Variants in ANKS1B observed in about 807,000 individuals in gnomAD.
ANKS1B encodes ankyrin repeat and sterile alpha motif domain containing 1B, also known as ankyrin repeat and sterile alpha motif domain-containing protein 1B.
ANKS1B carries 36 observed loss-of-function variants against 148.3 expected under a neutral mutation model. That is an observed-to-expected ratio of 0.24 (90% confidence interval 0.19 to 0.32). The LOEUF (loss-of-function observed/expected upper bound fraction) is 0.32. ANKS1B is among the 10% of genes least tolerant of loss of function. ANKS1B has a pLI of 1.00. For synonymous variants in ANKS1B, 542 were observed against 560.8 expected (o/e 0.97, Z 0.47); for missense variants, 1,157 against 1,542.6 (o/e 0.75, Z 4.19).
At chr12:99,609,925 T>G (rs1281061387) in intron 9 of ANKS1B, among the ~76,000 whole-genome samples, 1 of 152,102 alleles carries the variant, frequency 6.6e-6, no homozygotes, top group Non-Finnish European at 1.5e-5. Context: ...GAGCTGATGT[T>G]AGTAAATAAT....
chr12:99,982,080 A>T (rs1449942488), intron 1 of ANKS1B, among the ~76,000 whole-genome samples: 1 of 152,144 alleles, frequency 6.6e-6, no homozygotes, highest in Non-Finnish European at 1.5e-5. Flanking sequence ...AGATGGATAA[A>T]AGCAAGTTTA....
chr12:99,742,180 A>T (rs2153582300), intron 8 of ANKS1B, among the ~76,000 whole-genome samples: 2 of 152,124 alleles, frequency 1.3e-5, no homozygotes, highest in East Asian at 3.9e-4. Flanking sequence ...CGGTGATAAA[A>T]TAATATGTAC....
chr12:98,781,588 A>T (rs1485371532), intron 23 of ANKS1B: 1 of 378,196 alleles, frequency 2.6e-6, no homozygotes, highest in Non-Finnish European at 5.1e-6. Context: ...CATCGGACTT[A>T]ACTCCAAGGG....
At position 98,749,829 on chromosome 12, in the gene ANKS1B, T is replaced by C. The variant is rs538384537; in HGVS notation, c.3747+1526A>G. On this transcript the variant is annotated intron_variant, in intron 26 of 26. Coordinates refer to ENST00000683438, the MANE Select transcript of ANKS1B (RefSeq NM_001352186.2). ...GCATAGGCCTGGGGCGAGGTGGCAG[T>C]GGCCCCGACTGGAAGAGAGATGGAG... Among the ~76,000 whole-genome samples, 4 of 152,122 alleles carry C rather than the reference T, an allele frequency of 2.6e-5. No homozygotes were observed. The East Asian group carries it at 7.7e-4, about 29-fold the overall frequency.
intron 3 of ANKS1B, 119 bp downstream of exon 3, chr12:99,812,036 A>G: frequency 8.1e-7 from 1 of 1,237,386 alleles, no homozygotes; most frequent in Non-Finnish European, 1.1e-6. Context: ...TCCTTTTAGG[A>G]AATTCAGCAA....
intron 8 of ANKS1B, among the ~76,000 whole-genome samples, chr12:99,685,801 A>G (rs2098646301): frequency 1.3e-5 from 2 of 152,074 alleles, no homozygotes; most frequent in African/African-American, 4.8e-5. Context: ...CTACTCAGCC[A>G]TAAAAAGGAA....
chr12:98,953,746 T>G (rs936869031), intron 17 of ANKS1B, among the ~76,000 whole-genome samples: 1 of 152,110 alleles, frequency 6.6e-6, no homozygotes, highest in African/African-American at 2.4e-5. Context: ...TCCCACAAGC[T>G]GACTCCAGTT....
chr12:99,382,775 T>C (rs1170726571), intron 12 of ANKS1B, among the ~76,000 whole-genome samples: 3 of 151,116 alleles, frequency 2.0e-5, no homozygotes, highest in Admixed American at 1.3e-4. Flanking sequence ...TGTAATGTCA[T>C]GACTGCTGGC....
chr12:99,822,760 G>A (rs2082671217), intron 2 of ANKS1B, among the ~76,000 whole-genome samples: 1 of 152,170 alleles, frequency 6.6e-6, no homozygotes, highest in African/African-American at 2.4e-5. Context: ...GCAGGTGCTT[G>A]TGTCTTTTTG....
chr12:99,452,117 A>G (rs1198099267), intron 10 of ANKS1B, among the ~76,000 whole-genome samples: 2 of 152,162 alleles, frequency 1.3e-5, no homozygotes, highest in African/African-American at 4.8e-5. Flanking sequence ...CTGTAAGGCT[A>G]CATGATCTTT....
intron 17 of ANKS1B, among the ~76,000 whole-genome samples, chr12:98,859,533 A>G (rs2099588288): frequency 6.6e-6 from 1 of 152,250 alleles, no homozygotes; most frequent in Non-Finnish European, 1.5e-5. Flanking sequence ...GATCAGAAGT[A>G]AATCTATGAA....
At chr12:99,782,430 G>A (rs2064443409) in intron 4 of ANKS1B, among the ~76,000 whole-genome samples, 1 of 152,192 alleles carries the variant, frequency 6.6e-6, no homozygotes, top group Non-Finnish European at 1.5e-5. Context: ...GTGGTGGTAT[G>A]TGCCTGTAAT....
At chr12:99,818,754 G>A (rs1474029917) in intron 2 of ANKS1B, among the ~76,000 whole-genome samples, 1 of 151,754 alleles carries the variant, frequency 6.6e-6, no homozygotes, top group African/African-American at 2.4e-5. Flanking sequence ...GCAATATTTT[G>A]CAGCTTTAAG....
intron 17 of ANKS1B, among the ~76,000 whole-genome samples, chr12:99,020,335 T>C (rs1371517232): frequency 6.6e-6 from 1 of 152,152 alleles, no homozygotes; most frequent in African/African-American, 2.4e-5. Flanking sequence ...TGGAATCATA[T>C]AATATTTGTC....
intron 5 of ANKS1B, among the ~76,000 whole-genome samples, chr12:99,780,417 A>G (rs1033543754): frequency 6.6e-6 from 1 of 151,528 alleles, no homozygotes; most frequent in African/African-American, 2.4e-5. Flanking sequence ...CTGGGACTAC[A>G]GGTGCCCACC....
At chr12:99,136,115 A>G (rs922241962) in intron 15 of ANKS1B, among the ~76,000 whole-genome samples, 1 of 152,228 alleles carries the variant, frequency 6.6e-6, no homozygotes, top group Non-Finnish European at 1.5e-5. Flanking sequence ...ATTAAACAAG[A>G]TTAAAAAAGG....
chr12:99,285,676 T>C (rs1457408215), intron 12 of ANKS1B, among the ~76,000 whole-genome samples: 1 of 152,132 alleles, frequency 6.6e-6, no homozygotes, highest in African/African-American at 2.4e-5. Context: ...TGAAAGAGTA[T>C]GAAAGATGTT....
At chr12:99,807,662 A>T (rs1018253081) in intron 3 of ANKS1B, among the ~76,000 whole-genome samples, 3 of 152,178 alleles carry the variant, frequency 2.0e-5, no homozygotes, top group Non-Finnish European at 4.4e-5. Context: ...TACTCATTTA[A>T]TCCTCATTAT....
In ANKS1B at chr12:99,782,081, G is replaced by A; in HGVS notation, c.686C>T (p.Ala229Val). 1.2e-6 allele frequency: 2 copies of A among 1,603,414 alleles called. No homozygotes were observed. The highest frequency in any genetic ancestry group is 8.5e-7 in the Non-Finnish European group (1 of 1,175,246). Residue 229 changes from alanine to valine, a missense_variant, in exon 5 of 27, where the codon GCA (alanine) becomes GTA (valine). Ala to Val is a moderately conservative substitution (Grantham distance 64, BLOSUM62 0). This residue lies in a region of ANKS1B where 26 missense variants were observed against 83.4 expected (regional missense o/e 0.31). Coordinates refer to ENST00000683438, the MANE Select transcript of ANKS1B (RefSeq NM_001352186.2). The stretch of plus-strand genomic sequence containing the variant: ...TCCAAACAAAGCTGCTTCATGAAGT[G>A]CACTCCCCTTTTCTGTCTGGAAAAA... The part of the protein sequence containing the change: ...DVSCQTEKGS[A>V]LHEAALFGKV...
Sources: allele counts gnomAD v4.1 joint callset (sites outside exome capture counted in the v4.1 genomes callset), GRCh38; gene constraint gnomAD v4.1.1; regional missense constraint gnomAD v4.1.1; transcripts MANE v1.5; gene names NCBI Gene and HGNC (gene_info 2026-07-23, HGNC 2026-07-21).